Variants in BNIP3L observed in about 807,000 individuals in gnomAD.
The protein encoded by BNIP3L is BCL2/adenovirus E1B 19 kDa protein-interacting protein 3-like.
A neutral mutation model predicts 25.5 loss-of-function variants in BNIP3L; 10 were observed. The ratio of observed to expected loss-of-function variants is 0.39; its 90% CI spans 0.24 to 0.67. The LOEUF (loss-of-function observed/expected upper bound fraction) is 0.67, where lower values mean the gene tolerates loss of function less well. BNIP3L is among the 30% of genes least tolerant of loss of function. The pLI is 0.45. For synonymous variants in BNIP3L, 113 were observed against 101.2 expected, an observed-to-expected ratio of 1.12 and a Z score of -0.70; for missense variants, 215 against 270.9, an observed-to-expected ratio of 0.79 and a Z score of 1.45.
intron 1 of BNIP3L, chr8:26,383,530 C>G (rs1585427704): frequency 1.1e-3 from 23 of 21,328 alleles, no homozygotes; most frequent in Non-Finnish European, 2.0e-3. Flanking sequence ...CGGAGCCGGG[C>G]GGGGCGGGGC....
At chr8:26,395,461 C>T (rs964867403) in intron 3 of BNIP3L, among the ~76,000 whole-genome samples, 159 bp downstream of exon 3, 7 of 152,168 alleles carry the variant, frequency 4.6e-5, no homozygotes, top group Admixed American at 2.6e-4. Flanking sequence ...TAGTTCTTGT[C>T]GCACTCCTTT....
chr8:26,391,545 T>C (rs762974910), intron 2 of BNIP3L, 119 bp downstream of exon 2: 299 of 835,006 alleles, frequency 3.6e-4, no homozygotes, highest in Non-Finnish European at 4.1e-4. Flanking sequence ...TCCTGATATA[T>C]TGTAGTATAA....
chr8:26,408,150 A>C (rs1441321261), intron 4 of BNIP3L, 47 bp downstream of exon 4: 1 of 1,611,740 alleles, frequency 6.2e-7, no homozygotes, highest in East Asian at 2.2e-5. Flanking sequence ...TGATCTGCGC[A>C]CGCTTACAGG....
chr8:26,386,857 C>T (rs1276847809), intron 1 of BNIP3L, among the ~76,000 whole-genome samples: 1 of 152,124 alleles, frequency 6.6e-6, no homozygotes, highest in African/African-American at 2.4e-5. Flanking sequence ...ATACATACTG[C>T]TGCAAAAAGA....
At position 26,412,635 on chromosome 8, in the gene BNIP3L, A is replaced by T. The variant is rs917210953; in HGVS notation, c.*2223A>T. 1 of 152,662 alleles carries T rather than the reference A, an allele frequency of 6.6e-6. No individual in the cohort carries two copies. The highest frequency in any genetic ancestry group is 1.5e-5 in the Non-Finnish European group (1 of 68,040). The allele number at this position is 152,662 out of a possible 1,614,324, so 9.5% of individuals were successfully genotyped here. A position where few individuals can be genotyped will look rare whatever the true frequency, so the allele number is the denominator to read the frequency against. ...CATGTAGTATGTATCTGTAGCCCTA[A>T]CACATGGGATGAACGTTTTACTGCT... On this transcript the variant is annotated 3_prime_UTR_variant, in exon 6 of 6. Coordinates refer to ENST00000380629, the MANE Select transcript of BNIP3L (RefSeq NM_004331.3).
At chr8:26,409,547 G>A (rs1426270589) in intron 5 of BNIP3L, among the ~76,000 whole-genome samples, 1 of 152,142 alleles carries the variant, frequency 6.6e-6, no homozygotes, top group African/African-American at 2.4e-5. Context: ...CAACCTAGAA[G>A]GGGTTTGTGC....
rs568687191 is a variant in BNIP3L at position 26,388,243 on chromosome 8, A to G, written c.101-3000A>G. Among the ~76,000 whole-genome samples, 5 of 152,338 alleles carry G rather than the reference A, an allele frequency of 3.3e-5. No homozygotes were observed. In the South Asian group the frequency reaches 1.0e-3, roughly 32 times the overall value. ...AGGAATGGTTTTTCTATGATATAGAATATAATTGTAGTAGCTAAAACTTTC... is the reference window on the plus strand; with the variant it reads ...AGGAATGGTTTTTCTATGATATAGAGTATAATTGTAGTAGCTAAAACTTTC... On this transcript the variant is annotated intron_variant, in intron 1 of 5. Coordinates refer to ENST00000380629, the MANE Select transcript of BNIP3L (RefSeq NM_004331.3).
intron 3 of BNIP3L, among the ~76,000 whole-genome samples, chr8:26,403,703 C>G (rs1309665857): frequency 6.6e-6 from 1 of 151,754 alleles, no homozygotes. Context: ...CGCCTGGCTA[C>G]TTTTTTATTT....
chr8:26,409,496 G>C (rs752170474), intron 5 of BNIP3L, among the ~76,000 whole-genome samples: 22 of 152,164 alleles, frequency 1.4e-4, no homozygotes, highest in Non-Finnish European at 2.2e-4. Context: ...TTGGGTGCTT[G>C]ATCTGCTTTT....
chr8:26,393,308 G>T (rs1307301008), intron 2 of BNIP3L, among the ~76,000 whole-genome samples: 1 of 150,098 alleles, frequency 6.7e-6, no homozygotes, highest in Admixed American at 6.7e-5. Flanking sequence ...AGAAATATTT[G>T]TGTTGCCGCA....
At chr8:26,384,782 C>A (rs542901985) in intron 1 of BNIP3L, among the ~76,000 whole-genome samples, 5 of 148,540 alleles carry the variant, frequency 3.4e-5, no homozygotes, top group Non-Finnish European at 4.4e-5. Context: ...TCTACAACCT[C>A]CGCCTCCCAG....
At chr8:26,400,177 A>C (rs1806337908) in intron 3 of BNIP3L, among the ~76,000 whole-genome samples, 2 of 152,120 alleles carry the variant, frequency 1.3e-5, no homozygotes, top group Non-Finnish European at 2.9e-5. Flanking sequence ...CCACAAGGCT[A>C]CAGTAACCAA....
chr8:26,403,584 C>G (rs927857770), intron 3 of BNIP3L, among the ~76,000 whole-genome samples: 1 of 149,372 alleles, frequency 6.7e-6, no homozygotes, highest in Non-Finnish European at 1.5e-5. Flanking sequence ...GTCACCCAGG[C>G]TGGAGTGTAG....
chr8:26,405,135 A>G (rs150480078), intron 3 of BNIP3L, among the ~76,000 whole-genome samples: 24 of 152,344 alleles, frequency 1.6e-4, no homozygotes, highest in African/African-American at 5.5e-4. Flanking sequence ...CTCATGAAAA[A>G]AAAAATTAGA....
chr8:26,391,161 T>C (rs1003819797), intron 1 of BNIP3L, 82 bp from the exon 2 acceptor site: 37 of 1,232,352 alleles, frequency 3.0e-5, no homozygotes, highest in Admixed American at 1.1e-4. Flanking sequence ...AGAATTCTTA[T>C]CTGGATTCAC....
chr8:26,410,321 A>G, intron 5 of BNIP3L, 43 bp from the exon 6 acceptor site: 1 of 1,611,890 alleles, frequency 6.2e-7, no homozygotes, highest in South Asian at 1.1e-5. Context: ...CTGGTATAGA[A>G]CTGTTGAAAC....
At chr8:26,402,505 C>T (rs1174846712) in intron 3 of BNIP3L, among the ~76,000 whole-genome samples, 1 of 152,194 alleles carries the variant, frequency 6.6e-6, no homozygotes, top group Non-Finnish European at 1.5e-5. Flanking sequence ...TAGCATTTTC[C>T]AAAATGTGTT....
rs1254802084 is a variant in BNIP3L at position 26,410,426 on chromosome 8, C to T, written c.*14C>T. ...AGCACCTACTGAGGGAAAGGAAAAG[C>T]CCCTGGAAATGCGTGTGACCTGTGA... On this transcript the variant is annotated 3_prime_UTR_variant, in exon 6 of 6. Coordinates refer to ENST00000380629, the MANE Select transcript of BNIP3L (RefSeq NM_004331.3). 1.9e-6 allele frequency: 3 copies of T among 1,613,888 alleles called. No individual in the cohort carries two copies. Among genetic ancestry groups the T allele is most frequent in the Non-Finnish European group, 2.5e-6 (3 of 1,179,930 alleles).
intron 3 of BNIP3L, among the ~76,000 whole-genome samples, chr8:26,401,365 A>G (rs1009721043): frequency 1.3e-5 from 2 of 149,420 alleles, no homozygotes; most frequent in East Asian, 2.0e-4. Context: ...GAATTGAACA[A>G]TGAGATCACA....
Sources: allele counts gnomAD v4.1 joint callset (sites outside exome capture counted in the v4.1 genomes callset), GRCh38; gene constraint gnomAD v4.1.1; transcripts MANE v1.5; gene names NCBI Gene and HGNC (gene_info 2026-07-23, HGNC 2026-07-21).